PDE1C: variants seen among roughly 807,000 people sequenced by gnomAD.
PDE1C encodes dual specificity calcium/calmodulin-dependent 3',5'-cyclic nucleotide phosphodiesterase 1C.
Under a neutral mutation model 93.1 loss-of-function variants are expected in PDE1C, and 62 were observed. The observed-to-expected ratio is 0.67, with a 90% confidence interval of 0.54 to 0.82. The LOEUF (loss-of-function observed/expected upper bound fraction) is 0.82. Ranked by LOEUF, PDE1C falls within the 40% of genes least tolerant of loss-of-function variation. The probability of loss-of-function intolerance (pLI) is 0.00; values close to 1 mark genes in which losing one functional copy is unlikely to be tolerated. For synonymous variants in PDE1C, 325 were observed against 310.1 expected, an observed-to-expected ratio of 1.05 and a Z score of -0.50; for missense variants, 742 against 884.6, an observed-to-expected ratio of 0.84 and a Z score of 2.04.
chr7:32,358,801 G>A (rs377569691), intron 1 of PDE1C, among the ~76,000 whole-genome samples: 13 of 152,030 alleles, frequency 8.6e-5, no homozygotes, highest in Middle Eastern at 6.8e-3. Context: ...GCAAAGTGGG[G>A]ATTTCGATCC....
At chr7:32,117,870 A>T (rs1310717101) in intron 3 of PDE1C, among the ~76,000 whole-genome samples, 1 of 152,188 alleles carries the variant, frequency 6.6e-6, no homozygotes, top group African/African-American at 2.4e-5. Context: ...GTTGTTGTGA[A>T]CTCATCAGCC....
intron 3 of PDE1C, among the ~76,000 whole-genome samples, chr7:32,111,024 G>C (rs1360742969): frequency 6.6e-6 from 1 of 152,102 alleles, no homozygotes; most frequent in Non-Finnish European, 1.5e-5. Context: ...TACCACAGCA[G>C]GGAAGAGGGT....
At chr7:31,910,959 C>T (rs1323157716) in intron 2 of PDE1C, among the ~76,000 whole-genome samples, 2 of 152,122 alleles carry the variant, frequency 1.3e-5, no homozygotes, top group Non-Finnish European at 2.9e-5. Context: ...TTTTTAGGTT[C>T]ATTTTTTAAA....
At chr7:31,838,007 G>C (rs1562894756) in intron 9 of PDE1C, 36 bp from the exon 10 acceptor site, 1 of 1,345,614 alleles carries the variant, frequency 7.4e-7, no homozygotes, top group East Asian at 2.3e-5. Context: ...AAGGATGGAA[G>C]TCAAAAATGG....
intron 2 of PDE1C, among the ~76,000 whole-genome samples, chr7:32,202,362 C>T (rs1049203773): frequency 5.3e-5 from 8 of 152,210 alleles, no homozygotes; most frequent in Admixed American, 4.6e-4. Context: ...ACTCTGACCA[C>T]AACCACCAAT....
intron 6 of PDE1C, among the ~76,000 whole-genome samples, chr7:31,865,715 T>C (rs948447466): frequency 6.6e-6 from 1 of 152,208 alleles, no homozygotes; most frequent in African/African-American, 2.4e-5. Context: ...TATCGCATTT[T>C]GGTTTTGAGT....
intron 2 of PDE1C, among the ~76,000 whole-genome samples, chr7:32,047,612 G>T (rs1792781440): frequency 6.6e-6 from 1 of 151,952 alleles, no homozygotes; most frequent in South Asian, 2.1e-4. Flanking sequence ...CATTCCCTTG[G>T]GCTACCAAAA....
At chr7:32,335,583 T>C (rs215650) in intron 1 of PDE1C, among the ~76,000 whole-genome samples, 145,101 of 152,190 alleles carry the variant, frequency 0.95, 69,365 homozygotes, top group East Asian at 1. Flanking sequence ...CTTCTCCCTA[T>C]ATTTTTACAT....
chr7:32,180,730 A>G (rs957798685), intron 2 of PDE1C, among the ~76,000 whole-genome samples: 8 of 152,260 alleles, frequency 5.3e-5, no homozygotes, highest in African/African-American at 1.9e-4. Context: ...CTTGGCAGAT[A>G]TAAGTGCAGA....
chr7:32,416,936 T>C (rs1408246036), intron 1 of PDE1C, among the ~76,000 whole-genome samples: 2 of 152,112 alleles, frequency 1.3e-5, no homozygotes, highest in East Asian at 1.9e-4. Context: ...AACTCGCCAG[T>C]GGGTCTACAG....
chr7:32,028,299 G>T (rs950919585), intron 2 of PDE1C, among the ~76,000 whole-genome samples: 2 of 152,006 alleles, frequency 1.3e-5, no homozygotes, highest in South Asian at 4.2e-4. Context: ...AATCTAACAG[G>T]TCCCAAGCTT....
chr7:31,772,534 A>G (rs1330126706), intron 17 of PDE1C, among the ~76,000 whole-genome samples: 2 of 150,436 alleles, frequency 1.3e-5, no homozygotes, highest in East Asian at 3.9e-4. Context: ...TCTGGTTCCC[A>G]GAGTTGTTTG....
the PDE1C span, among the ~76,000 whole-genome samples, chr7:31,648,569 C>G: frequency 6.6e-6 from 1 of 152,172 alleles, no homozygotes; most frequent in Admixed American, 6.5e-5. Flanking sequence ...CAAACCAAAA[C>G]ACCCCAGTCT....
At chr7:31,623,602 T>C in the PDE1C span, among the ~76,000 whole-genome samples, 1 of 147,848 alleles carries the variant, frequency 6.8e-6, no homozygotes, top group Non-Finnish European at 1.5e-5. Flanking sequence ...ATGGGACGTA[T>C]CTCAAAATAA....
the PDE1C span, chr7:31,687,336 C>A: frequency 2.0e-5 from 3 of 152,286 alleles, no homozygotes; most frequent in African/African-American, 2.4e-5. Flanking sequence ...ACTCCAAGAA[C>A]TTTTGTGGTG....
chr7:31,672,417 A>G, the PDE1C span, among the ~76,000 whole-genome samples: 1 of 152,158 alleles, frequency 6.6e-6, no homozygotes, highest in African/African-American at 2.4e-5. Flanking sequence ...AGAAAACTTC[A>G]CCAACAACAA....
upstream of PDE1C, among the ~76,000 whole-genome samples, chr7:32,301,490 A>T (rs1308414484): frequency 2.6e-5 from 4 of 152,172 alleles, no homozygotes; most frequent in African/African-American, 9.7e-5. Context: ...AACTTGTCTG[A>T]ATAATTAGAA....
intron 1 of PDE1C, among the ~76,000 whole-genome samples, chr7:32,386,954 T>A (rs988232309): frequency 6.6e-6 from 1 of 150,884 alleles, no homozygotes; most frequent in African/African-American, 2.4e-5. Flanking sequence ...AGGACAATAG[T>A]GGAGGGAAGG....
At chr7:31,830,266 T>A (rs1562879931) in intron 11 of PDE1C, among the ~76,000 whole-genome samples, 1 of 152,192 alleles carries the variant, frequency 6.6e-6, no homozygotes, top group East Asian at 1.9e-4. Flanking sequence ...ACTTGAGTGA[T>A]AACACAATAC....
Sources: allele counts gnomAD v4.1 joint callset (sites outside exome capture counted in the v4.1 genomes callset), GRCh38; gene constraint gnomAD v4.1.1; transcripts MANE v1.5; gene names NCBI Gene and HGNC (gene_info 2026-07-23, HGNC 2026-07-21).